DGKG: variants seen among roughly 807,000 people sequenced by gnomAD.
The protein encoded by DGKG is DAG kinase gamma.
Under a neutral mutation model 105.3 loss-of-function variants are expected in DGKG, and 78 were observed. The ratio of observed to expected loss-of-function variants is 0.74; its 90% CI spans 0.62 to 0.89. The LOEUF is 0.89. Among genes scored for constraint, DGKG ranks in the 40% least tolerant of loss-of-function variants. The pLI is 0.00. For synonymous variants in DGKG, 346 were observed against 367.1 expected, an observed-to-expected ratio of 0.94 and a Z score of 0.66; for missense variants, 958 against 1,020.1, an observed-to-expected ratio of 0.94 and a Z score of 0.83.
chr3:186,331,412 A>G (rs1427328518), intron 1 of DGKG, among the ~76,000 whole-genome samples: 2 of 152,236 alleles, frequency 1.3e-5, no homozygotes, highest in African/African-American at 4.8e-5. Context: ...GTAATACCTA[A>G]TAACTCATTT....
intron 14 of DGKG, among the ~76,000 whole-genome samples, chr3:186,263,611 G>A (rs1268217778): frequency 6.6e-6 from 1 of 151,254 alleles, no homozygotes; most frequent in African/African-American, 2.4e-5. Flanking sequence ...GCAAACAAAC[G>A]CACCATGTAC....
Position 186,299,841 on chromosome 3 carries a change from T to TTTCTTTCTTTCTTTCTCTC in DGKG, c.145-1613_145-1612insGAGAGAAAGAAAGAAAGAA, listed in dbSNP as rs1446531456. On this transcript the variant is annotated intron_variant, in intron 3 of 24. Coordinates refer to ENST00000265022, the MANE Select transcript of DGKG (RefSeq NM_001346.3). ...TCTTTCTTTCTTTCTTTCTTTCTTT[T>TTTCTTTCTTTCTTTCTCTC]TTTTTTTTTTTGAGATAGAGCCTTG... 5.2e-4 allele frequency among the ~76,000 whole-genome samples: 39 copies of TTTCTTTCTTTCTTTCTCTC among 74,654 alleles called. 2 individuals carry two copies. Among genetic ancestry groups the TTTCTTTCTTTCTTTCTCTC allele is most frequent in the African/African-American group, 2.3e-3 (39 of 17,082 alleles). The allele number at this position is 74,654 out of a possible 152,430, so 49.0% of individuals were successfully genotyped here.
chr3:186,332,727 G>T, intron 1 of DGKG, among the ~76,000 whole-genome samples: 1 of 152,196 alleles, frequency 6.6e-6, no homozygotes, highest in East Asian at 1.9e-4. Flanking sequence ...GTTTATTATG[G>T]TTTGAATGTT....
intron 3 of DGKG, among the ~76,000 whole-genome samples, chr3:186,305,106 T>C (rs545567088): frequency 9.2e-5 from 14 of 152,326 alleles, no homozygotes; most frequent in Middle Eastern, 3.4e-3. Flanking sequence ...GACACAGCAG[T>C]GAACAAAAAT....
chr3:186,210,817 T>A lies in DGKG; in HGVS notation c.1917+978A>T, dbSNP rs1719000520. On this transcript the variant is annotated intron_variant, in intron 21 of 24. Transcript: ENST00000265022. This position sits in a 1 kb window ranked among gnomAD's most constrained non-coding sequence, Gnocchi z 5.2. ...GCCTCTTCCACTTATTTTCCTCAAG[T>A]GAAAAGAAGACTACGGGCCTAAATC... 1 of 339,234 alleles carries A rather than the reference T, an allele frequency of 2.9e-6. No homozygotes were observed. Among genetic ancestry groups the A allele is most frequent in the Non-Finnish European group, 5.8e-6 (1 of 171,676 alleles). The allele number at this position is 339,234 out of a possible 1,614,324, so 21.0% of individuals were successfully genotyped here.
At position 186,251,776 on chromosome 3, in the gene DGKG, AGTTGTTCATGATGCT is replaced by A; in HGVS notation, c.1729_1743del (p.Ser577_Asn581del). On this transcript the variant is annotated inframe_deletion, in exon 19 of 25. Coordinates refer to ENST00000265022, the MANE Select transcript of DGKG (RefSeq NM_001346.3). ...CAACTCACCACACCAATGGAGAAATAGTTGTTCATGATGCTGTATGGGACCTGGTCCCCGTTTTCC... is the reference window on the plus strand; with the variant it reads ...CAACTCACCACACCAATGGAGAAATAGTATGGGACCTGGTCCCCGTTTTCC... The A allele has an allele frequency of 6.2e-7, 1 of 1,614,140 alleles. No homozygotes were observed. The highest frequency in any genetic ancestry group is 8.5e-7 in the Non-Finnish European group (1 of 1,179,994).
rs147707076 is a variant in DGKG, at chr3:186,292,719, G to A, written c.374-3839C>T. ...TGAGGCAGGAGAATCACTTGAACGC[G>A]GGAGGCAGAGGTCGGGAGGCAGAGG... is the stretch of plus-strand genomic sequence containing the variant. On this transcript the variant is annotated intron_variant, in intron 5 of 24. Coordinates refer to ENST00000265022, the MANE Select transcript of DGKG (RefSeq NM_001346.3). Among the ~76,000 whole-genome samples, 43 of 152,130 alleles carry A rather than the reference G, an allele frequency of 2.8e-4. No homozygotes were observed. The East Asian group carries it at 4.1e-3, about 14-fold the overall frequency.
chr3:186,299,825 CTTTCTTTCTTTCTTTTTTTT>C (rs1723813205), intron 3 of DGKG, among the ~76,000 whole-genome samples: 1 of 85,124 alleles, frequency 1.2e-5, no homozygotes, highest in Non-Finnish European at 2.6e-5. Flanking sequence ...TTCTTTCTTT[CTTTCTTTCTTTCTTTTTTTT>C]TTTTTTTGAG....
At chr3:186,200,826 C>T (rs1718420918) in intron 21 of DGKG, among the ~76,000 whole-genome samples, 1 of 152,232 alleles carries the variant, frequency 6.6e-6, no homozygotes, top group African/African-American at 2.4e-5. Flanking sequence ...GCCATGTACA[C>T]ACAACCTGCT....
chr3:186,338,820 A>G (rs1292628516), intron 1 of DGKG, among the ~76,000 whole-genome samples: 1 of 152,208 alleles, frequency 6.6e-6, no homozygotes, highest in African/African-American at 2.4e-5. Context: ...GGCTTACGGA[A>G]CATTGACTTG....
intron 20 of DGKG, among the ~76,000 whole-genome samples, chr3:186,237,689 A>G (rs1276859707): frequency 3.9e-5 from 6 of 152,220 alleles, no homozygotes; most frequent in East Asian, 1.9e-4. Context: ...TGCTTGCTCA[A>G]TGAAATCTAT....
At chr3:186,312,115 T>G in intron 2 of DGKG, among the ~76,000 whole-genome samples, 1 of 78,156 alleles carries the variant, frequency 1.3e-5, no homozygotes. Context: ...AGAGCGAGAC[T>G]CCGTCTCAAA....
chr3:186,316,696 G>C (rs536527843), intron 2 of DGKG, among the ~76,000 whole-genome samples: 128 of 152,186 alleles, frequency 8.4e-4, no homozygotes, highest in African/African-American at 2.9e-3. Context: ...CCCTATAGAA[G>C]GTCACCAGAG....
intron 2 of DGKG, among the ~76,000 whole-genome samples, chr3:186,310,032 G>C (rs575639882): frequency 1.4e-3 from 214 of 151,446 alleles, no homozygotes; most frequent in Non-Finnish European, 2.7e-3. Flanking sequence ...ACTTTGGGAG[G>C]CTGAGGCGGG....
intron 11 of DGKG, among the ~76,000 whole-genome samples, chr3:186,270,953 C>T (rs930527708): frequency 9.9e-5 from 15 of 152,184 alleles, no homozygotes; most frequent in African/African-American, 3.4e-4. Flanking sequence ...GCAGGTACAC[C>T]GTGTGTCCCG....
intron 24 of DGKG, 56 bp downstream of exon 24, chr3:186,161,547 A>G: frequency 6.2e-7 from 1 of 1,613,126 alleles, no homozygotes; most frequent in East Asian, 2.2e-5. Flanking sequence ...GTCAGTGCCC[A>G]AAAGGGCTCA....
chr3:186,305,933 A>C (rs1421585403), intron 3 of DGKG, among the ~76,000 whole-genome samples: 1 of 152,192 alleles, frequency 6.6e-6, no homozygotes, highest in Non-Finnish European at 1.5e-5. Context: ...AGTTTAGCTC[A>C]TGTTAAGTTT....
chr3:186,298,166 G>A lies in DGKG; in HGVS notation c.208C>T (p.Pro70Ser). The change falls in exon 4 of 25, where the codon CCA becomes TCA. Residue 70 changes from proline to serine, a missense_variant. This residue lies in a region of DGKG where 643 missense variants were observed against 619.5 expected (regional missense o/e 1.04). Coordinates refer to ENST00000265022, the MANE Select transcript of DGKG (RefSeq NM_001346.3). ...GCCAGGAAGAGGTGAGTGCTCAGTG[G>A]CTGGGGAAGGTCCACCTCCAGGTAC... The part of the protein sequence containing the change: ...RAYLEVDLPQ[P>S]LSTHLFLAFS... The A allele has an allele frequency of 6.2e-7, 1 of 1,614,092 alleles. No homozygotes were observed. The highest frequency in any genetic ancestry group is 8.5e-7 in the Non-Finnish European group (1 of 1,179,982).
At chr3:186,337,879 A>G (rs1418531661) in intron 1 of DGKG, among the ~76,000 whole-genome samples, 1 of 152,174 alleles carries the variant, frequency 6.6e-6, no homozygotes, top group Non-Finnish European at 1.5e-5. Flanking sequence ...TTTAATAAAA[A>G]GTAGAATGGG....
Sources: gnomAD v4.1 joint callset for allele counts (sites outside exome capture counted in the v4.1 genomes callset) on GRCh38, gnomAD v4.1.1 for gene constraint, gnomAD v4.1.1 regional missense constraint, Gnocchi (gnomAD v3.1) non-coding constraint, MANE v1.5 for transcripts, NCBI Gene and HGNC (gene_info 2026-07-23, HGNC 2026-07-21) for gene names.